PRRX2: variants seen among roughly 807,000 people sequenced by gnomAD.
PRRX2 encodes paired related homeobox 2.
Under a neutral mutation model 18.0 loss-of-function variants are expected in PRRX2, and 11 were observed. The ratio of observed to expected loss-of-function variants is 0.61; its 90% CI spans 0.39 to 1.01. PRRX2 has a LOEUF of 1.01. Ranked by LOEUF, PRRX2 falls within the 50% of genes least tolerant of loss-of-function variation. The pLI is 0.01. For missense variants in PRRX2, 387 were observed against 351.0 expected (o/e 1.10, Z -0.82); for synonymous variants, 177 against 154.8 (o/e 1.14, Z -1.06).
intron 2 of PRRX2, among the ~76,000 whole-genome samples, chr9:129,719,630 A>G (rs1832763624): frequency 6.6e-6 from 1 of 152,246 alleles, no homozygotes; most frequent in Non-Finnish European, 1.5e-5. Flanking sequence ...GCACCTGCCT[A>G]CCTGGAAAAT....
intron 3 of PRRX2, among the ~76,000 whole-genome samples, chr9:129,721,010 G>C (rs76184841): frequency 0.21 from 31,310 of 152,142 alleles, 5,797 homozygotes; most frequent in African/African-American, 0.49. Context: ...CGTACATGTG[G>C]GCACACATGA....
At chr9:129,700,637 A>C (rs544787094) in intron 1 of PRRX2, among the ~76,000 whole-genome samples, 1 of 149,340 alleles carries the variant, frequency 6.7e-6, no homozygotes, top group African/African-American at 2.5e-5. Context: ...TGTTGTTTTG[A>C]GACAGGGTCT....
chr9:129,714,709 G>A lies in PRRX2; in HGVS notation c.260-4522G>A, dbSNP rs977634300. 5.3e-5 allele frequency among the ~76,000 whole-genome samples: 8 copies of A among 152,348 alleles called. No homozygotes were observed. In the East Asian group the frequency reaches 1.5e-3, roughly 29 times the overall value. The stretch of plus-strand genomic sequence containing the variant: ...GCTTAACTGGCATGAAAGTGGAGCT[G>A]TTTCTTCGGGCGCTTACTCGGCAAG... On this transcript the variant is annotated intron_variant, in intron 1 of 3. Coordinates refer to ENST00000372469, the MANE Select transcript of PRRX2 (RefSeq NM_016307.4).
intron 1 of PRRX2, among the ~76,000 whole-genome samples, chr9:129,696,201 G>A (rs973178407): frequency 1.3e-5 from 2 of 152,232 alleles, no homozygotes; most frequent in Admixed American, 6.5e-5. Context: ...ATCTAGTGTG[G>A]GGGGTCCTAA....
chr9:129,692,029 C>T (rs182417831), intron 1 of PRRX2, among the ~76,000 whole-genome samples: 46 of 150,474 alleles, frequency 3.1e-4, no homozygotes, highest in African/African-American at 9.1e-4. Context: ...CTGCAATCTC[C>T]ACCTCCTGGG....
chr9:129,709,333 G>A lies in PRRX2; in HGVS notation c.260-9898G>A, dbSNP rs1055363083. Among the ~76,000 whole-genome samples, 3 of 152,188 alleles carry A rather than the reference G, an allele frequency of 2.0e-5. No individual in the cohort carries two copies. Among genetic ancestry groups the A allele is most frequent in the African/African-American group, 4.8e-5 (2 of 41,444 alleles). On this transcript the variant is annotated intron_variant, in intron 1 of 3. Transcript: ENST00000372469. The surrounding 1 kb of genome is among the most constrained non-coding windows in gnomAD (Gnocchi z 4.2). ...GACCCCAGAGAGACCCAGATACACC[G>A]CAACTGCCTCCAAGCAGGGCTCTGC...
At chr9:129,693,714 C>T (rs1480833577) in intron 1 of PRRX2, among the ~76,000 whole-genome samples, 2 of 152,066 alleles carry the variant, frequency 1.3e-5, no homozygotes, top group African/African-American at 4.8e-5. Flanking sequence ...GGAAATATGT[C>T]CAGAGAGGTT....
chr9:129,665,837 C>G lies in PRRX2; in HGVS notation c.-31C>G. 9.7e-7 allele frequency: 1 copy of G among 1,027,908 alleles called. No individual in the cohort carries two copies. The highest frequency in any genetic ancestry group is 1.2e-6 in the Non-Finnish European group (1 of 859,860). The allele number at this position is 1,027,908 out of a possible 1,614,324, so 63.7% of individuals were successfully genotyped here. A position where few individuals can be genotyped will look rare whatever the true frequency, so the allele number is the denominator to read the frequency against. On this transcript the variant is annotated 5_prime_UTR_variant, in exon 1 of 4. Transcript: ENST00000372469. The surrounding 1 kb of genome is among the most constrained non-coding windows in gnomAD (Gnocchi z 5.3). ...CTTCCTGGGACCCGAGCCCGAGACC[C>G]CCGCCGGCCCCCCCGGGGCCGCTCG...
At chr9:129,713,300 A>G (rs1832655034) in intron 1 of PRRX2, 1 of 152,318 alleles carries the variant, frequency 6.6e-6, no homozygotes, top group South Asian at 2.1e-4. Flanking sequence ...GTGAACATTT[A>G]TTGAGCAATT....
chr9:129,674,784 G>T (rs776940178), intron 1 of PRRX2, among the ~76,000 whole-genome samples: 2 of 152,160 alleles, frequency 1.3e-5, no homozygotes, highest in Non-Finnish European at 2.9e-5. Flanking sequence ...GACACACCCT[G>T]TGGCTGGTCT....
At chr9:129,683,212 A>G (rs561709150) in intron 1 of PRRX2, among the ~76,000 whole-genome samples, 1 of 152,292 alleles carries the variant, frequency 6.6e-6, no homozygotes, top group African/African-American at 2.4e-5. Context: ...GACTCCCTTC[A>G]TAACAGTAAT....
rs753521121 is a variant in PRRX2 at position 129,695,010 on chromosome 9, G to A, written c.260-24221G>A. On this transcript the variant is annotated intron_variant, in intron 1 of 3. Transcript: ENST00000372469. The surrounding 1 kb of genome is among the most constrained non-coding windows in gnomAD (Gnocchi z 4.8). Reference sequence around the variant, plus strand: ...GCTCACCATGGAGGAGGAATGGGGCGAGCTGCAGGCTGGCTCAGAGGGGTC... The same window carrying A: ...GCTCACCATGGAGGAGGAATGGGGCAAGCTGCAGGCTGGCTCAGAGGGGTC... Among the ~76,000 whole-genome samples the A allele has an allele frequency of 6.6e-6, 1 of 152,110 alleles. No individual in the cohort carries two copies. The highest frequency in any genetic ancestry group is 1.9e-4 in the East Asian group (1 of 5,174).
chr9:129,699,835 T>C (rs1588170206), intron 1 of PRRX2, among the ~76,000 whole-genome samples: 1 of 152,146 alleles, frequency 6.6e-6, no homozygotes, highest in Admixed American at 6.5e-5. Flanking sequence ...GGGGAGGAAG[T>C]GTCCCAGGGA....
At chr9:129,672,764 G>T (rs896433589) in intron 1 of PRRX2, among the ~76,000 whole-genome samples, 1 of 152,120 alleles carries the variant, frequency 6.6e-6, no homozygotes, top group East Asian at 1.9e-4. Context: ...TAACCGGAAC[G>T]GCCTCCCTCA....
At position 129,681,525 on chromosome 9, in the gene PRRX2, A is replaced by C. The variant is rs150574697; in HGVS notation, c.259+15399A>C. 3.4e-3 allele frequency among the ~76,000 whole-genome samples: 515 copies of C among 152,226 alleles called. 3 individuals carry two copies. The highest frequency in any genetic ancestry group is 0.012 in the African/African-American group (496 of 41,534). ...ACAGAGCAAGACTCCATTTCAAAAA[A>C]AAACAGAAAGCAGGTTCCTTGATGA... is the stretch of plus-strand genomic sequence containing the variant. On this transcript the variant is annotated intron_variant, in intron 1 of 3. Coordinates refer to ENST00000372469, the MANE Select transcript of PRRX2 (RefSeq NM_016307.4).
chr9:129,681,078 G>A lies in PRRX2; in HGVS notation c.259+14952G>A, dbSNP rs558179240. Among the ~76,000 whole-genome samples the A allele has an allele frequency of 2.0e-5, 3 of 152,360 alleles. No homozygotes were observed. The East Asian group carries it at 5.8e-4, about 29-fold the overall frequency. On this transcript the variant is annotated intron_variant, in intron 1 of 3. Transcript: ENST00000372469. ...TGGGTACTCCCTGCGTGCCTAGAGC[G>A]TGCACATGCACTCGCACCCACACTC... is the stretch of plus-strand genomic sequence containing the variant.
At position 129,715,396 on chromosome 9, in the gene PRRX2, A is replaced by C. The variant is rs1325964204; in HGVS notation, c.260-3835A>C. On this transcript the variant is annotated intron_variant, in intron 1 of 3. Transcript: ENST00000372469. This position sits in a 1 kb window ranked among gnomAD's most constrained non-coding sequence, Gnocchi z 4.0. ...GAATTGAGGTCAGGAGTTTAAGACC[A>C]GTCTTGGCAACATAGTAAGACCTCA... Among the ~76,000 whole-genome samples the C allele has an allele frequency of 6.6e-6, 1 of 152,120 alleles. No homozygotes were observed. The highest frequency in any genetic ancestry group is 2.4e-5 in the African/African-American group (1 of 41,428).
At chr9:129,697,754 G>A (rs13301001) in intron 1 of PRRX2, among the ~76,000 whole-genome samples, 1 of 152,076 alleles carries the variant, frequency 6.6e-6, no homozygotes, top group Non-Finnish European at 1.5e-5. Context: ...GGGAAAGATG[G>A]CTTCTCAGAA....
At position 129,712,567 on chromosome 9, in the gene PRRX2, TG is replaced by T. The variant is rs1832639221; in HGVS notation, c.260-6662del. On this transcript the variant is annotated intron_variant, in intron 1 of 3. Coordinates refer to ENST00000372469, the MANE Select transcript of PRRX2 (RefSeq NM_016307.4). ...AAATGGTACGTGTGAAATAATTTAA[TG>T]GCAGAAAACCGTGCACCAGTCATTT... is the stretch of plus-strand genomic sequence containing the variant. 2.6e-5 allele frequency among the ~76,000 whole-genome samples: 4 copies of T among 152,194 alleles called. No homozygotes were observed. In the South Asian group the frequency reaches 8.3e-4, roughly 31 times the overall value.
Sources: gnomAD v4.1 joint callset for allele counts (sites outside exome capture counted in the v4.1 genomes callset) on GRCh38, gnomAD v4.1.1 for gene constraint, Gnocchi (gnomAD v3.1) non-coding constraint, MANE v1.5 for transcripts, NCBI Gene and HGNC (gene_info 2026-07-23, HGNC 2026-07-21) for gene names.